The following GALNT1 variants were observed in gnomAD, a reference collection of about 807,000 sequenced individuals.
The protein encoded by GALNT1 is polypeptide N-acetylgalactosaminyltransferase 1, also known as GalNAc transferase 1.
GALNT1 carries 17 observed loss-of-function variants against 65.7 expected under a neutral mutation model. That is an observed-to-expected ratio of 0.26 (90% confidence interval 0.18 to 0.39). The LOEUF is 0.39. GALNT1 is among the 10% of genes least tolerant of loss of function. GALNT1 has a pLI of 1.00. For synonymous variants in GALNT1, 210 were observed against 219.7 expected (o/e 0.96, Z 0.39); for missense variants, 460 against 672.8 (o/e 0.68, Z 3.50).
At chr18:35,638,316 G>A (rs1301401828) in intron 1 of GALNT1, among the ~76,000 whole-genome samples, 1 of 152,164 alleles carries the variant, frequency 6.6e-6, no homozygotes, top group Non-Finnish European at 1.5e-5. Context: ...GGCTGCTCAT[G>A]TACCCCAAGG....
chr18:35,590,912 C>G (rs1436204405), intron 1 of GALNT1, among the ~76,000 whole-genome samples: 1 of 152,078 alleles, frequency 6.6e-6, no homozygotes, highest in Non-Finnish European at 1.5e-5. Context: ...TGTTTCCATG[C>G]AAAGGGAACA....
intron 1 of GALNT1, among the ~76,000 whole-genome samples, chr18:35,633,401 G>C (rs1178301432): frequency 6.6e-6 from 1 of 152,066 alleles, no homozygotes; most frequent in Non-Finnish European, 1.5e-5. Flanking sequence ...GTAGGGACAT[G>C]GATGAAGCTG....
chr18:35,698,839 C>T (rs959611074), intron 9 of GALNT1, among the ~76,000 whole-genome samples: 3 of 151,864 alleles, frequency 2.0e-5, no homozygotes, highest in African/African-American at 4.8e-5. Flanking sequence ...ATAAATTAGC[C>T]GGGCATGGTG....
chr18:35,581,040 T>G (rs530934072), upstream of GALNT1: 1 of 152,028 alleles, frequency 6.6e-6, no homozygotes, highest in African/African-American at 2.4e-5. Context: ...GCCTCCTGCA[T>G]CGCGGTCGCC....
intron 1 of GALNT1, among the ~76,000 whole-genome samples, chr18:35,642,035 CTA>C (rs932118436): frequency 2.0e-5 from 3 of 152,126 alleles, no homozygotes; most frequent in African/African-American, 7.2e-5. Flanking sequence ...TGGTACAACA[CTA>C]GAGTTAAGTT....
In GALNT1 at chr18:35,689,303, A is replaced by C. The variant is rs3737382; in HGVS notation, c.978+13A>C. ...AATTTCCTTTAGGGTAAGTTCCCTT[A>C]AAAAAATTTAATCTTTTATTTAACT... On this transcript the variant is annotated intron_variant, in intron 7 of 11. Coordinates refer to ENST00000269195, the MANE Select transcript of GALNT1 (RefSeq NM_020474.4). 0.075 allele frequency: 106,687 copies of C among 1,419,872 alleles called. 4,759 individuals carry two copies. Among genetic ancestry groups the C allele is most frequent in the African/African-American group, 0.2 (13,807 of 69,812 alleles). The allele number at this position is 1,419,872 out of a possible 1,614,324, so 88.0% of individuals were successfully genotyped here.
At chr18:35,632,022 A>G (rs1045071545) in intron 1 of GALNT1, among the ~76,000 whole-genome samples, 8 of 152,240 alleles carry the variant, frequency 5.3e-5, no homozygotes, top group African/African-American at 9.6e-5. Flanking sequence ...AAGGAGAACT[A>G]CAAACCAGTG....
intron 9 of GALNT1, among the ~76,000 whole-genome samples, chr18:35,697,698 T>C (rs2048082155): frequency 6.6e-6 from 1 of 152,162 alleles, no homozygotes; most frequent in Non-Finnish European, 1.5e-5. Flanking sequence ...ATCTAAACTC[T>C]CACCCCTACA....
chr18:35,653,166 A>G (rs1412149038), intron 1 of GALNT1, among the ~76,000 whole-genome samples: 1 of 152,222 alleles, frequency 6.6e-6, no homozygotes, highest in Non-Finnish European at 1.5e-5. Flanking sequence ...AGGTAAGAAC[A>G]TGACAGTAGC....
At chr18:35,582,532 T>C (rs1237181791) in intron 1 of GALNT1, among the ~76,000 whole-genome samples, 2 of 152,238 alleles carry the variant, frequency 1.3e-5, no homozygotes, top group Non-Finnish European at 2.9e-5. Flanking sequence ...ATTTGTGACC[T>C]TGTCCTCATT....
chr18:35,609,799 T>G (rs578244834), intron 1 of GALNT1, among the ~76,000 whole-genome samples: 2 of 152,278 alleles, frequency 1.3e-5, no homozygotes, highest in South Asian at 4.1e-4. Context: ...ACCCTTAGAT[T>G]CTTTACATTG....
chr18:35,672,217 G>A (rs898664388), intron 3 of GALNT1, among the ~76,000 whole-genome samples: 19 of 152,340 alleles, frequency 1.2e-4, no homozygotes, highest in African/African-American at 4.6e-4. Flanking sequence ...TACAGAGAAG[G>A]CCTCTGTTCA....
At chr18:35,652,953 C>A (rs1254896743) in intron 1 of GALNT1, among the ~76,000 whole-genome samples, 3 of 152,150 alleles carry the variant, frequency 2.0e-5, no homozygotes, top group African/African-American at 7.2e-5. Flanking sequence ...GACTGCTTTG[C>A]CAGTGATCAA....
intron 1 of GALNT1, among the ~76,000 whole-genome samples, chr18:35,631,446 C>T (rs1161719603): frequency 3.3e-5 from 5 of 152,014 alleles, no homozygotes; most frequent in East Asian, 1.9e-4. Flanking sequence ...ACAGAACCAA[C>T]GAGAAAAGCC....
Position 35,668,979 on chromosome 18 carries a change from C to T in GALNT1, c.314+5177C>T, listed in dbSNP as rs541114447. ...ACACACAGCCGGGCGCACTGACTCA[C>T]GCCTGTAATCCCAGCACTATGGGAG... is the stretch of plus-strand genomic sequence containing the variant. On this transcript the variant is annotated intron_variant, in intron 3 of 11. Coordinates refer to ENST00000269195, the MANE Select transcript of GALNT1 (RefSeq NM_020474.4). Among the ~76,000 whole-genome samples the T allele has an allele frequency of 1.2e-4, 18 of 152,316 alleles. No individual in the cohort carries two copies. In the South Asian group the frequency reaches 1.2e-3, roughly 11 times the overall value.
chr18:35,616,153 A>C (rs531655394), intron 1 of GALNT1, among the ~76,000 whole-genome samples: 1 of 152,244 alleles, frequency 6.6e-6, no homozygotes. Context: ...TAGCAGAAGA[A>C]TACATTATAA....
At position 35,677,450 on chromosome 18, in the gene GALNT1, C is replaced by T. The variant is rs1598803328; in HGVS notation, c.315-141C>T. ...CTATTTATTAAACACATAACATTAA[C>T]CAAGACTTAAATGAAAAGGTACCAA... On this transcript the variant is annotated intron_variant, in intron 3 of 11. Transcript: ENST00000269195. 1.4e-5 allele frequency: 7 copies of T among 497,482 alleles called. No homozygotes were observed. In the South Asian group the frequency reaches 3.6e-4, roughly 26 times the overall value. 30.8% of individuals were successfully genotyped at this position (497,482 alleles called of 1,614,324 possible).
chr18:35,677,551 T>C, intron 3 of GALNT1, 40 bp from the exon 4 acceptor site: 2 of 1,556,576 alleles, frequency 1.3e-6, no homozygotes, highest in South Asian at 1.2e-5. Context: ...TATGCAATCT[T>C]AACAGTCACT....
chr18:35,618,503 T>TG (rs2044113569), intron 1 of GALNT1, among the ~76,000 whole-genome samples: 1 of 152,150 alleles, frequency 6.6e-6, no homozygotes, highest in South Asian at 2.1e-4. Flanking sequence ...GACAAACATG[T>TG]GTAACTGTTT....
Sources: allele counts gnomAD v4.1 joint callset (sites outside exome capture counted in the v4.1 genomes callset), GRCh38; gene constraint gnomAD v4.1.1; transcripts MANE v1.5; gene names NCBI Gene and HGNC (gene_info 2026-07-23, HGNC 2026-07-21).